The following CPM variants were observed in gnomAD, a reference collection of about 807,000 sequenced individuals.
CPM encodes carboxypeptidase M.
A neutral mutation model predicts 46.4 loss-of-function variants in CPM; 35 were observed. The ratio of observed to expected loss-of-function variants is 0.75; its 90% CI spans 0.58 to 1.00. The LOEUF (loss-of-function observed/expected upper bound fraction) is 1.00, where lower values mean the gene tolerates loss of function less well. CPM is among the 50% of genes least tolerant of loss of function. The probability of loss-of-function intolerance (pLI) is 0.00; values close to 1 mark genes in which losing one functional copy is unlikely to be tolerated. For synonymous variants in CPM, 195 were observed against 195.3 expected, an observed-to-expected ratio of 1.00 and a Z score of 0.01; for missense variants, 422 against 530.4, an observed-to-expected ratio of 0.80 and a Z score of 2.01.
chr12:68,941,343 G>T (rs1158544844), intron 1 of CPM, among the ~76,000 whole-genome samples: 1 of 151,998 alleles, frequency 6.6e-6, no homozygotes, highest in Non-Finnish European at 1.5e-5. Context: ...GCCCAATAAG[G>T]TAAAACTTAT....
At chr12:68,915,231 C>A (rs529607702) in intron 2 of CPM, among the ~76,000 whole-genome samples, 1 of 152,196 alleles carries the variant, frequency 6.6e-6, no homozygotes, top group Non-Finnish European at 1.5e-5. Flanking sequence ...TTCTTTTAAA[C>A]CACAATGACA....
At chr12:68,896,251 C>A (rs1009562905) in intron 2 of CPM, among the ~76,000 whole-genome samples, 1 of 152,204 alleles carries the variant, frequency 6.6e-6, no homozygotes, top group African/African-American at 2.4e-5. Flanking sequence ...TGCCATCCAA[C>A]ACCTTCCTGA....
At chr12:68,844,663 A>C (rs1255204060) in intron 5 of CPM, 1 of 225,174 alleles carries the variant, frequency 4.4e-6, no homozygotes, top group African/African-American at 2.2e-5. Context: ...AAAACAAAAA[A>C]ACTGGCTTTA....
chr12:68,881,577 A>AG (rs34526837), intron 3 of CPM, among the ~76,000 whole-genome samples: 121,837 of 152,094 alleles, frequency 0.8, 48,941 homozygotes, highest in African/African-American at 0.87. Context: ...CAAATAGCAT[A>AG]TCTCTTTTGG....
intron 5 of CPM, 47 bp downstream of exon 5, chr12:68,870,168 C>G: frequency 1.3e-6 from 2 of 1,564,578 alleles, no homozygotes; most frequent in Non-Finnish European, 1.7e-6. Flanking sequence ...GAGTTTTCAG[C>G]CCCACTCTGG....
chr12:68,950,759 T>C (rs1001942361), intron 1 of CPM, among the ~76,000 whole-genome samples: 26 of 152,190 alleles, frequency 1.7e-4, no homozygotes, highest in Non-Finnish European at 3.1e-4. Context: ...AAGGTGCCGC[T>C]GTTCTTCAAA....
chr12:68,935,900 G>A (rs541880072), upstream of CPM, among the ~76,000 whole-genome samples: 2 of 152,242 alleles, frequency 1.3e-5, no homozygotes, highest in South Asian at 4.1e-4. Context: ...TTCCTGCAGG[G>A]TGCTGTGGCT....
Position 68,854,449 on chromosome 12 carries a change from A to T in CPM, c.*1988T>A, listed in dbSNP as rs1028329340. The stretch of plus-strand genomic sequence containing the variant: ...ATGTTGTAAATCCAATAGTAGAGAT[A>T]ACCAGTTTATTTTGGGGAGCAAAGA... On this transcript the variant is annotated 3_prime_UTR_variant, in exon 9 of 9. Coordinates refer to ENST00000551568, the MANE Select transcript of CPM (RefSeq NM_198320.5). 1.3e-5 allele frequency: 2 copies of T among 152,350 alleles called. No homozygotes were observed. The highest frequency in any genetic ancestry group is 6.5e-5 in the Admixed American group (1 of 15,306). 9.4% of individuals were successfully genotyped at this position (152,350 alleles called of 1,614,324 possible).
chr12:68,924,490 A>AAAG (rs1435718082), intron 2 of CPM, among the ~76,000 whole-genome samples: 1 of 151,724 alleles, frequency 6.6e-6, no homozygotes, highest in Non-Finnish European at 1.5e-5. Flanking sequence ...GAAAAAAAAA[A>AAAG]AAGGCAATGT....
At chr12:68,924,651 T>C (rs1394528417) in intron 2 of CPM, among the ~76,000 whole-genome samples, 1 of 152,152 alleles carries the variant, frequency 6.6e-6, no homozygotes, top group African/African-American at 2.4e-5. Flanking sequence ...TAGCTGAATT[T>C]CCTAGATTTT....
Position 68,892,296 on chromosome 12 carries a change from G to A in CPM, c.161-6407C>T, listed in dbSNP as rs146268591. Among the ~76,000 whole-genome samples the A allele has an allele frequency of 7.5e-3, 1,147 of 152,326 alleles. 3 individuals are homozygous for A. Among genetic ancestry groups the A allele is most frequent in the Non-Finnish European group, 0.012 (801 of 68,012 alleles). On this transcript the variant is annotated intron_variant, in intron 2 of 8. Transcript: ENST00000551568. Reference sequence around the variant, plus strand: ...GCTTCTGTTGTTGAGGTTATTGTCTGTCTCCCCTCTGGGGAGAACTGGAAA... The same window carrying A: ...GCTTCTGTTGTTGAGGTTATTGTCTATCTCCCCTCTGGGGAGAACTGGAAA...
chr12:68,913,687 G>A (rs78779121), intron 2 of CPM: 4,968 of 346,148 alleles, frequency 0.014, 66 homozygotes, highest in Non-Finnish European at 0.021. Flanking sequence ...GCACATCCTC[G>A]GTTTATTCTT....
intron 2 of CPM, among the ~76,000 whole-genome samples, chr12:68,909,536 CAT>C (rs1340941586): frequency 6.6e-6 from 1 of 152,082 alleles, no homozygotes; most frequent in East Asian, 1.9e-4. Flanking sequence ...TTTATGCACA[CAT>C]ATGTTTATTG....
In CPM at chr12:68,855,642, G is replaced by A. The variant is rs922233852; in HGVS notation, c.*795C>T. On this transcript the variant is annotated 3_prime_UTR_variant, in exon 9 of 9. Coordinates refer to ENST00000551568, the MANE Select transcript of CPM (RefSeq NM_198320.5). ...TTTGCAAAACAATTCCCAGTCCTAT[G>A]ATCATTTCTCCCTTCTTCTGAGAAC... 6.6e-6 allele frequency: 1 copy of A among 151,940 alleles called. No individual in the cohort carries two copies. The highest frequency in any genetic ancestry group is 1.5e-5 in the Non-Finnish European group (1 of 68,008). The allele number at this position is 151,940 out of a possible 1,614,324, so 9.4% of individuals were successfully genotyped here.
chr12:68,948,435 A>G (rs1040601360), intron 1 of CPM, among the ~76,000 whole-genome samples: 7 of 152,020 alleles, frequency 4.6e-5, no homozygotes, highest in African/African-American at 1.2e-4. Context: ...AAACCAATGC[A>G]TTATTGATCA....
At chr12:68,859,153 A>G (rs1885104127) in intron 7 of CPM, 82 bp from the exon 8 acceptor site, 1 of 758,320 alleles carries the variant, frequency 1.3e-6, no homozygotes, top group South Asian at 5.8e-5. Flanking sequence ...AGAACAATAT[A>G]TGCAATATTT....
At chr12:68,944,950 T>C (rs750709802) in intron 1 of CPM, among the ~76,000 whole-genome samples, 6 of 152,100 alleles carry the variant, frequency 3.9e-5, no homozygotes, top group Non-Finnish European at 8.8e-5. Flanking sequence ...ACAGGACCAG[T>C]TGAGTCATGA....
intron 3 of CPM, among the ~76,000 whole-genome samples, chr12:68,872,948 A>C (rs4631967): frequency 6.6e-6 from 1 of 152,074 alleles, no homozygotes; most frequent in East Asian, 1.9e-4. Flanking sequence ...CTGTGAGAGA[A>C]CTTGCTTTAT....
intron 2 of CPM, among the ~76,000 whole-genome samples, chr12:68,905,777 G>A (rs1887318754): frequency 6.6e-6 from 1 of 152,072 alleles, no homozygotes; most frequent in South Asian, 2.1e-4. Context: ...ATATTTAATA[G>A]GGACTTACAA....
Sources: allele counts gnomAD v4.1 joint callset (sites outside exome capture counted in the v4.1 genomes callset), GRCh38; gene constraint gnomAD v4.1.1; transcripts MANE v1.5; gene names NCBI Gene and HGNC (gene_info 2026-07-23, HGNC 2026-07-21).